The following KIAA1217 variants were observed in gnomAD, a reference collection of about 807,000 sequenced individuals.
KIAA1217 encodes sickle tail protein homolog.
In KIAA1217, 88 loss-of-function variants were observed where a neutral mutation model predicts 163.9. The ratio of observed to expected loss-of-function variants is 0.54; its 90% CI spans 0.45 to 0.64. KIAA1217 has a LOEUF of 0.64. KIAA1217 is among the 30% of genes least tolerant of loss of function. The pLI, the probability that KIAA1217 is intolerant of heterozygous loss-of-function variation, is 0.00. For missense variants in KIAA1217, 2,372 were observed against 2,475.0 expected (o/e 0.96, Z 0.88); for synonymous variants, 903 against 923.1 (o/e 0.98, Z 0.39).
At chr10:24,271,084 T>C (rs181830049) in intron 2 of KIAA1217, among the ~76,000 whole-genome samples, 4 of 152,364 alleles carry the variant, frequency 2.6e-5, no homozygotes, top group Admixed American at 2.6e-4. Flanking sequence ...AATTTGTCTA[T>C]AATTTTTCCT....
chr10:24,541,936 T>G (rs1054899674), intron 17 of KIAA1217, among the ~76,000 whole-genome samples: 4 of 152,216 alleles, frequency 2.6e-5, no homozygotes, highest in African/African-American at 9.6e-5. Flanking sequence ...TGTAACAGCA[T>G]GATGGATATG....
intron 2 of KIAA1217, among the ~76,000 whole-genome samples, chr10:24,366,717 G>A (rs895249410): frequency 1.8e-4 from 28 of 152,112 alleles, no homozygotes; most frequent in Non-Finnish European, 3.2e-4. Flanking sequence ...GTGAGCCCGG[G>A]GCCAGTGACA....
At position 23,930,868 on chromosome 10, in the gene KIAA1217, G is replaced by A. The variant is rs111559962; in HGVS notation, c.-320-76357G>A. On this transcript the variant is annotated intron_variant, in intron 1 of 18. Coordinates refer to the KIAA1217 transcript ENST00000376462. ...GTTGTATGTTTCACCTTCTTAGATG[G>A]CCCTTTGGTATTGAGCCTGTCCTTC... is the stretch of plus-strand genomic sequence containing the variant. Among the ~76,000 whole-genome samples, 802 of 152,136 alleles carry A rather than the reference G, an allele frequency of 5.3e-3. 8 individuals carry two copies. The highest frequency in any genetic ancestry group is 0.019 in the African/African-American group (770 of 41,508).
At chr10:24,200,510 T>C (rs1204751426) in intron 2 of KIAA1217, among the ~76,000 whole-genome samples, 1 of 152,172 alleles carries the variant, frequency 6.6e-6, no homozygotes, top group Non-Finnish European at 1.5e-5. Context: ...TTTGTGCACC[T>C]CAGCTTTCGC....
chr10:23,869,124 GTTT>G (rs58288361), intron 1 of KIAA1217, among the ~76,000 whole-genome samples: 4 of 31,716 alleles, frequency 1.3e-4, no homozygotes, highest in African/African-American at 4.8e-4. Context: ...ATGAAATGTA[GTTT>G]TTTTTTTTTT....
At chr10:23,773,887 C>T (rs1588770473) in intron 1 of KIAA1217, among the ~76,000 whole-genome samples, 2 of 152,144 alleles carry the variant, frequency 1.3e-5, no homozygotes, top group South Asian at 2.1e-4. Flanking sequence ...TCTAGATATA[C>T]AATCATGTCA....
intron 2 of KIAA1217, among the ~76,000 whole-genome samples, chr10:24,034,720 G>C (rs1362038714): frequency 6.6e-6 from 1 of 152,152 alleles, no homozygotes; most frequent in Non-Finnish European, 1.5e-5. Flanking sequence ...TACACCTCAG[G>C]AGAAGACGCA....
Position 23,695,258 on chromosome 10 carries a change from C to G in KIAA1217, c.-321+24C>G, listed in dbSNP as rs1456836753. On this transcript the variant is annotated intron_variant, in intron 1 of 18. Transcript: ENST00000376462. This position sits in a 1 kb window ranked among gnomAD's most constrained non-coding sequence, Gnocchi z 4.9. ...AAGTAAGTGCAGCAGAAGTTTGCGT[C>G]GGTTGCCCCGCCGCTCCCCCAGCGC... The G allele has an allele frequency of 2.6e-5, 4 of 152,332 alleles. No individual in the cohort carries two copies. Among genetic ancestry groups the G allele is most frequent in the African/African-American group, 9.6e-5 (4 of 41,468 alleles). The allele number at this position is 152,332 out of a possible 1,614,324, so 9.4% of individuals were successfully genotyped here. A position where few individuals can be genotyped will look rare whatever the true frequency, so the allele number is the denominator to read the frequency against.
intron 10 of KIAA1217, among the ~76,000 whole-genome samples, chr10:24,514,127 C>A (rs75105551): frequency 1.3e-5 from 2 of 152,110 alleles, no homozygotes; most frequent in African/African-American, 4.8e-5. Flanking sequence ...ATTACTCCCC[C>A]GTCACCAGGC....
chr10:24,211,538 T>C (rs1387525856), intron 1 of KIAA1217, among the ~76,000 whole-genome samples: 9 of 5,870 alleles, frequency 1.5e-3, no homozygotes, highest in African/African-American at 2.3e-3. Flanking sequence ...CATGGTTGTA[T>C]TGTATTGTAT....
At chr10:23,830,700 A>AGGTG (rs916331685) in intron 1 of KIAA1217, among the ~76,000 whole-genome samples, 15 of 151,768 alleles carry the variant, frequency 9.9e-5, no homozygotes, top group African/African-American at 3.6e-4. Flanking sequence ...GTAGGTAGGT[A>AGGTG]GGTAGGTAGA....
chr10:24,279,855 G>A (rs1420973069), intron 2 of KIAA1217, among the ~76,000 whole-genome samples: 3 of 152,182 alleles, frequency 2.0e-5, no homozygotes, highest in African/African-American at 7.2e-5. Context: ...TAGTCGTTAA[G>A]AGGGTACAAG....
chr10:24,230,502 G>GTTTT lies in KIAA1217; in HGVS notation c.354+10611_354+10614dup, dbSNP rs71397936. 6.6e-3 allele frequency among the ~76,000 whole-genome samples: 601 copies of GTTTT among 90,590 alleles called. 22 individuals are homozygous for GTTTT. The highest frequency in any genetic ancestry group is 8.5e-3 in the East Asian group (22 of 2,592). 59.4% of individuals were successfully genotyped at this position (90,590 alleles called of 152,430 possible). A position where few individuals can be genotyped will look rare whatever the true frequency, so the allele number is the denominator to read the frequency against. On this transcript the variant is annotated intron_variant, in intron 2 of 20. Coordinates refer to ENST00000376454, the MANE Select transcript of KIAA1217 (RefSeq NM_019590.5). ...TTGGGTAGGCACTACTATTTGTTTT[G>GTTTT]TTTTTTTTTTTTTTTTTTTTTGAGA...
chr10:24,478,553 G>A (rs1368740789), intron 6 of KIAA1217, among the ~76,000 whole-genome samples: 1 of 152,130 alleles, frequency 6.6e-6, no homozygotes, highest in East Asian at 1.9e-4. Context: ...TCTAGTGTCT[G>A]AGCTTCTAGA....
At chr10:24,188,670 G>C (rs964350864) in intron 2 of KIAA1217, among the ~76,000 whole-genome samples, 1 of 151,970 alleles carries the variant, frequency 6.6e-6, no homozygotes, top group Admixed American at 6.5e-5. Context: ...GGGCCTTAAA[G>C]AATCAAGTGT....
rs375760289 is a variant in KIAA1217 at position 23,854,586 on chromosome 10, G to A, written c.-320-152639G>A. ...GGTATCCTTGTTAACTTTCTGTCTC[G>A]TTGATCTGTCTAATTTTGACAGTGG... is the stretch of plus-strand genomic sequence containing the variant. On this transcript the variant is annotated intron_variant, in intron 1 of 18. Transcript: ENST00000376462. Among the ~76,000 whole-genome samples, 19 of 152,210 alleles carry A rather than the reference G, an allele frequency of 1.2e-4. 1 individual carries two copies. The highest frequency in any genetic ancestry group is 1.2e-3 in the East Asian group (6 of 5,178).
chr10:23,884,282 G>A (rs375064129), intron 1 of KIAA1217, among the ~76,000 whole-genome samples: 1 of 151,874 alleles, frequency 6.6e-6, no homozygotes, highest in Non-Finnish European at 1.5e-5. Flanking sequence ...GGTGTTGTCC[G>A]TGATTTGGAT....
chr10:24,528,193 C>A, intron 14 of KIAA1217, 74 bp downstream of exon 14: 1 of 1,213,978 alleles, frequency 8.2e-7, no homozygotes, highest in Non-Finnish European at 1.2e-6. Flanking sequence ...TCCACGACAG[C>A]ACATACTCAT....
chr10:24,089,140 T>C (rs1185691777), intron 2 of KIAA1217, among the ~76,000 whole-genome samples: 1 of 124,406 alleles, frequency 8.0e-6, no homozygotes, highest in African/African-American at 2.5e-5. Context: ...GCTGATGGGG[T>C]TGTTTGTTTT....
Sources: allele counts gnomAD v4.1 joint callset (sites outside exome capture counted in the v4.1 genomes callset), GRCh38; gene constraint gnomAD v4.1.1; non-coding constraint Gnocchi (gnomAD v3.1); transcripts MANE v1.5; gene names NCBI Gene and HGNC (gene_info 2026-07-23, HGNC 2026-07-21).